Variants in HERC6 observed in about 807,000 individuals in gnomAD.
The protein encoded by HERC6 is HECT and RLD domain containing E3 ubiquitin protein ligase family member 6, also known as probable E3 ubiquitin-protein ligase HERC6.
Under a neutral mutation model 114.5 loss-of-function variants are expected in HERC6, and 101 were observed. The ratio of observed to expected loss-of-function variants is 0.88; its 90% CI spans 0.75 to 1.04. The LOEUF (loss-of-function observed/expected upper bound fraction) is 1.04, where lower values mean the gene tolerates loss of function less well. Among genes scored for constraint, HERC6 ranks in the 50% least tolerant of loss-of-function variants. The pLI is 0.00. For missense variants in HERC6, 1,133 were observed against 1,230.9 expected, an observed-to-expected ratio of 0.92 and a Z score of 1.19; for synonymous variants, 408 against 436.2, an observed-to-expected ratio of 0.94 and a Z score of 0.81.
intron 15 of HERC6, among the ~76,000 whole-genome samples, chr4:88,426,664 C>T (rs750074740): frequency 6.6e-5 from 10 of 151,640 alleles, no homozygotes; most frequent in East Asian, 1.9e-4. Flanking sequence ...TTAGTAGAGA[C>T]GGGGTTTCAC....
rs1468373406 is a variant in HERC6 at position 88,424,594 on chromosome 4, G to C, written c.1828-1G>C. 1 of 1,580,438 alleles carries C rather than the reference G, an allele frequency of 6.3e-7. No homozygotes were observed. The highest frequency in any genetic ancestry group is 1.7e-5 in the Admixed American group (1 of 57,618). On this transcript the variant is annotated splice_acceptor_variant, in intron 14 of 22. Transcript: ENST00000264346. LOFTEE classifies it high-confidence loss of function. ...AACTATTATCTCTGTTTATTTTTTA[G>C]ATACCTGCAGAAACCCCCAGTCCTG...
chr4:88,419,673 A>T, intron 13 of HERC6, among the ~76,000 whole-genome samples: 1 of 152,200 alleles, frequency 6.6e-6, no homozygotes, highest in Non-Finnish European at 1.5e-5. Context: ...TGATACCTGA[A>T]GGATTTATGC....
intron 11 of HERC6, among the ~76,000 whole-genome samples, chr4:88,411,045 T>G (rs1197265848): frequency 6.6e-6 from 1 of 152,200 alleles, no homozygotes; most frequent in Non-Finnish European, 1.5e-5. Flanking sequence ...AAAATAATCT[T>G]TATACCATTT....
intron 15 of HERC6, 68 bp downstream of exon 15, chr4:88,424,770 G>T (rs1737433142): frequency 1.2e-6 from 1 of 856,632 alleles, no homozygotes; most frequent in Non-Finnish European, 1.8e-6. Flanking sequence ...GTGGTATAAT[G>T]AATCCCATCA....
At chr4:88,379,623 A>T (rs992336736) in intron 1 of HERC6, among the ~76,000 whole-genome samples, 1 of 125,912 alleles carries the variant, frequency 7.9e-6, no homozygotes, top group South Asian at 2.5e-4. Flanking sequence ...GGCATTAAAA[A>T]ATATATATAT....
At chr4:88,389,246 G>A (rs147458885) in intron 3 of HERC6, among the ~76,000 whole-genome samples, 5 of 152,074 alleles carry the variant, frequency 3.3e-5, no homozygotes, top group Non-Finnish European at 1.5e-5. Context: ...GGAAGTGGGG[G>A]TGGGCCAGAC....
chr4:88,392,980 A>G (rs1224518484), intron 4 of HERC6, among the ~76,000 whole-genome samples: 1 of 152,226 alleles, frequency 6.6e-6, no homozygotes, highest in Non-Finnish European at 1.5e-5. Context: ...TATGGCATGC[A>G]TATCCTGGAT....
At position 88,385,481 on chromosome 4, in the gene HERC6, G is replaced by C; in HGVS notation, c.360-18G>C. The C allele has an allele frequency of 8.5e-7, 1 of 1,179,556 alleles. No homozygotes were observed. The highest frequency in any genetic ancestry group is 1.2e-6 in the Non-Finnish European group (1 of 833,902). 73.1% of individuals were successfully genotyped at this position (1,179,556 alleles called of 1,614,324 possible). ...CTCTAAATAAGGATTAATCAATTTT[G>C]TATTATTTGTATTATAGGAAAATAA... On this transcript the variant is annotated intron_variant, in intron 2 of 22. Coordinates refer to ENST00000264346, the MANE Select transcript of HERC6 (RefSeq NM_017912.4).
Position 88,437,759 on chromosome 4 carries a change from A to G in HERC6, c.2533A>G (p.Ile845Val). 2 of 1,607,908 alleles carry G rather than the reference A, an allele frequency of 1.2e-6. No homozygotes were observed. Among genetic ancestry groups the G allele is most frequent in the Admixed American group, 3.4e-5 (2 of 59,422 alleles). The change falls in exon 20 of 23, where the codon ATA becomes GTA. Residue 845 changes from isoleucine to valine, a missense_variant. By Grantham distance (29) the Ile-to-Val change is conservative (BLOSUM62 3). Around this residue, in one of 3 missense-constraint regions of HERC6, gnomAD observed 388 missense variants for 445.9 expected, o/e 0.87. Transcript: ENST00000264346. ...DVDLIPNGISIPVDQTNKRDY... is the reference protein window; with the variant it reads ...DVDLIPNGISVPVDQTNKRDY... ...TGACTTAATTCCAAATGGGATCTCC[A>G]TACCTGTGGACCAAACCAACAAGTA...
intron 8 of HERC6, among the ~76,000 whole-genome samples, chr4:88,403,249 C>A (rs1419159431): frequency 2.0e-5 from 3 of 152,108 alleles, no homozygotes; most frequent in Non-Finnish European, 4.4e-5. Flanking sequence ...CTACCCTGAC[C>A]CACTGAAGCA....
rs181595390 is a variant in HERC6, at chr4:88,388,326, G to A, written c.437-2326G>A. 2.6e-3 allele frequency among the ~76,000 whole-genome samples: 394 copies of A among 152,142 alleles called. 3 individuals are homozygous for A. The highest frequency in any genetic ancestry group is 8.6e-3 in the African/African-American group (359 of 41,522). Reference sequence around the variant, plus strand: ...AGGACTTTAGGAAGCCGAGGTGGGTGGATCACCTGAGGTCAGCAGTTCAAG... The same window carrying A: ...AGGACTTTAGGAAGCCGAGGTGGGTAGATCACCTGAGGTCAGCAGTTCAAG... On this transcript the variant is annotated intron_variant, in intron 3 of 22. Coordinates refer to ENST00000264346, the MANE Select transcript of HERC6 (RefSeq NM_017912.4).
chr4:88,405,591 A>C lies in HERC6; in HGVS notation c.1252A>C (p.Thr418Pro). 6.5e-7 allele frequency: 1 copy of C among 1,538,248 alleles called. No individual in the cohort carries two copies. Among genetic ancestry groups the C allele is most frequent in the South Asian group, 1.2e-5 (1 of 80,862 alleles). Residue 418 changes from threonine to proline, a missense_variant, in exon 10 of 23, where the codon ACT becomes CCT. Transcript: ENST00000264346. ...RMIFSSPACLTASFLKKRGTG... is the reference protein window; with the variant it reads ...RMIFSSPACLPASFLKKRGTG... ...GATATTTTCATCTCCTGCTTGTCTGACTGCAAGTTTTTTAAAGAAAAGGTA... is the reference window on the plus strand; with the variant it reads ...GATATTTTCATCTCCTGCTTGTCTGCCTGCAAGTTTTTTAAAGAAAAGGTA...
In HERC6 at chr4:88,406,312, G is replaced by A. The variant is rs79233683; in HGVS notation, c.1274+699G>A. 4.5e-3 allele frequency among the ~76,000 whole-genome samples: 686 copies of A among 152,308 alleles called. 1 individual carries two copies. The highest frequency in any genetic ancestry group is 0.01 in the Middle Eastern group (3 of 294). On this transcript the variant is annotated intron_variant, in intron 10 of 22. Coordinates refer to ENST00000264346, the MANE Select transcript of HERC6 (RefSeq NM_017912.4). ...CCCTTGTTAACTTGGTGTTAAGTTT[G>A]CTCACTGGTTCAAAATATGGTGATA...
At chr4:88,379,822 AC>A (rs1734096276) in intron 1 of HERC6, among the ~76,000 whole-genome samples, 2 of 77,486 alleles carry the variant, frequency 2.6e-5, no homozygotes, top group African/African-American at 1.0e-4. Flanking sequence ...TATATATATA[AC>A]ATATAAATAT....
At chr4:88,413,623 T>G (rs1736256549) in intron 12 of HERC6, among the ~76,000 whole-genome samples, 1 of 152,204 alleles carries the variant, frequency 6.6e-6, no homozygotes, top group Non-Finnish European at 1.5e-5. Flanking sequence ...CTTTTGACAT[T>G]TTGACCAGAT....
rs1733994520 is a variant in HERC6, at chr4:88,378,913, A to G, written c.-9A>G. ...GAATCCGGAGCAGGCGACAGGGCGC[A>G]GAAGCGGGATGTACTTCTGTTGGGG... On this transcript the variant is annotated 5_prime_UTR_variant, in exon 1 of 23. Coordinates refer to ENST00000264346, the MANE Select transcript of HERC6 (RefSeq NM_017912.4). 2 of 1,581,852 alleles carry G rather than the reference A, an allele frequency of 1.3e-6. No homozygotes were observed. Among genetic ancestry groups the G allele is most frequent in the Middle Eastern group, 1.7e-4 (1 of 5,988 alleles).
chr4:88,439,829 T>C, intron 20 of HERC6, 45 bp from the exon 21 acceptor site: 1 of 1,409,512 alleles, frequency 7.1e-7, no homozygotes. Context: ...ATCATTGGCC[T>C]TTTCCTTCCT....
intron 4 of HERC6, 98 bp from the exon 5 acceptor site, chr4:88,393,388 CTT>C: frequency 1.9e-6 from 1 of 524,140 alleles, no homozygotes; most frequent in Non-Finnish European, 3.2e-6. Context: ...AAATATATCT[CTT>C]ACACAAAAAA....
rs191254088 is a variant in HERC6 at position 88,401,175 on chromosome 4, C to T, written c.1092+2966C>T. ...TTGATGTGAAGAGAATAGAGAACTGCGAGAGGGTTTCTCATGCTGCATAAG... is the reference window on the plus strand; with the variant it reads ...TTGATGTGAAGAGAATAGAGAACTGTGAGAGGGTTTCTCATGCTGCATAAG... On this transcript the variant is annotated intron_variant, in intron 8 of 22. Coordinates refer to ENST00000264346, the MANE Select transcript of HERC6 (RefSeq NM_017912.4). Among the ~76,000 whole-genome samples, 3 of 152,114 alleles carry T rather than the reference C, an allele frequency of 2.0e-5. No homozygotes were observed. The East Asian group carries it at 5.8e-4, about 29-fold the overall frequency.
Sources: allele counts gnomAD v4.1 joint callset (sites outside exome capture counted in the v4.1 genomes callset), GRCh38; gene constraint gnomAD v4.1.1; regional missense constraint gnomAD v4.1.1; transcripts MANE v1.5; gene names NCBI Gene and HGNC (gene_info 2026-07-23, HGNC 2026-07-21).